The following MME variants were observed in gnomAD, a reference collection of about 807,000 sequenced individuals.
MME encodes the protein membrane metalloendopeptidase.
In MME, 98 loss-of-function variants were observed where a neutral mutation model predicts 113.2. The ratio of observed to expected loss-of-function variants is 0.87; its 90% CI spans 0.74 to 1.02. The LOEUF (loss-of-function observed/expected upper bound fraction) is 1.02, where lower values mean the gene tolerates loss of function less well. Among genes scored for constraint, MME ranks in the 50% least tolerant of loss-of-function variants. The pLI is 0.00. For missense variants in MME, 836 were observed against 896.0 expected (o/e 0.93, Z 0.86); for synonymous variants, 292 against 300.6 (o/e 0.97, Z 0.30).
At position 155,071,680 on chromosome 3, in the gene MME, C is replaced by T. The variant is rs909999893; in HGVS notation, c.-10-12478C>T. On this transcript the variant is annotated intron_variant, in intron 1 of 22. Transcript: ENST00000492661. ...TCCTATCCACAACTCACCACCACCA[C>T]CACTATCAAATGTTCCCTATCTCAA... Among the ~76,000 whole-genome samples, 8 of 152,278 alleles carry T rather than the reference C, an allele frequency of 5.3e-5. No homozygotes were observed. The East Asian group carries it at 9.7e-4, about 18-fold the overall frequency.
intron 8 of MME, among the ~76,000 whole-genome samples, chr3:155,133,709 TATATATATGGTGTGTATATATAC>T (rs1720380954): frequency 7.1e-6 from 1 of 141,370 alleles, no homozygotes; most frequent in Non-Finnish European, 1.5e-5. Flanking sequence ...ATAGTGTGTG[TATATATATGGTGTGTATATATAC>T]ATATATATGG....
At chr3:155,045,154 A>AC (rs1391535893) in intron 1 of MME, among the ~76,000 whole-genome samples, 1 of 146,392 alleles carries the variant, frequency 6.8e-6, no homozygotes, top group Non-Finnish European at 1.5e-5. Context: ...TTATAAAAAG[A>AC]CTTTTTTTTT....
At position 155,180,550 on chromosome 3, in the gene MME, G is replaced by A. The variant is rs1712994165; in HGVS notation, c.*91G>A. On this transcript the variant is annotated 3_prime_UTR_variant, in exon 23 of 23. Coordinates refer to ENST00000360490, the MANE Select transcript of MME (RefSeq NM_007289.4). Reference sequence around the variant, plus strand: ...AATCGAAAGAAAATGGGCCCTAGGGGTCACTGTACTGACTTGAGGGTGATT... The same window carrying A: ...AATCGAAAGAAAATGGGCCCTAGGGATCACTGTACTGACTTGAGGGTGATT... The A allele has an allele frequency of 1.1e-6, 1 of 910,636 alleles. No individual in the cohort carries two copies. Among genetic ancestry groups the A allele is most frequent in the Non-Finnish European group, 1.8e-6 (1 of 542,032 alleles). 56.4% of individuals were successfully genotyped at this position (910,636 alleles called of 1,614,324 possible). A position where few individuals can be genotyped will look rare whatever the true frequency, so the allele number is the denominator to read the frequency against.
intron 14 of MME, among the ~76,000 whole-genome samples, chr3:155,146,320 G>C (rs1184215474): frequency 6.6e-6 from 1 of 152,086 alleles, no homozygotes; most frequent in Admixed American, 6.5e-5. Context: ...GAGCCCAGGA[G>C]TTTGAGACTA....
upstream of MME, among the ~76,000 whole-genome samples, chr3:155,075,385 G>A (rs1714713176): frequency 6.6e-6 from 1 of 151,936 alleles, no homozygotes; most frequent in Admixed American, 6.6e-5. Context: ...GCCAATCTGT[G>A]TCTTCTAACT....
At chr3:155,153,885 G>A (rs1224323712) in intron 16 of MME, among the ~76,000 whole-genome samples, 5 of 152,100 alleles carry the variant, frequency 3.3e-5, no homozygotes, top group South Asian at 2.1e-4. Context: ...CCCTTTACTC[G>A]GGAGTCTATG....
intron 3 of MME, among the ~76,000 whole-genome samples, chr3:155,094,850 A>C (rs1192409174): frequency 6.6e-6 from 1 of 152,152 alleles, no homozygotes; most frequent in Non-Finnish European, 1.5e-5. Flanking sequence ...TAATCCCTTG[A>C]AGTAAGTAAG....
chr3:155,132,824 G>A (rs1720241719), intron 8 of MME, among the ~76,000 whole-genome samples: 1 of 151,514 alleles, frequency 6.6e-6, no homozygotes, highest in South Asian at 2.1e-4. Context: ...GGACTCAGAG[G>A]TGGTGGATCA....
intron 1 of MME, among the ~76,000 whole-genome samples, chr3:155,067,328 G>GTTTT (rs1249867603): frequency 8.7e-6 from 1 of 115,506 alleles, no homozygotes; most frequent in Non-Finnish European, 1.7e-5. Flanking sequence ...TTTTTTTTTG[G>GTTTT]GAGACTGAGT....
chr3:155,075,663 T>C (rs1027782101), upstream of MME, among the ~76,000 whole-genome samples: 3 of 152,202 alleles, frequency 2.0e-5, no homozygotes, highest in African/African-American at 7.2e-5. Context: ...AATATCATTA[T>C]CCTTCTTTCC....
chr3:155,145,903 G>A (rs1721468996), intron 14 of MME, among the ~76,000 whole-genome samples: 1 of 152,082 alleles, frequency 6.6e-6, no homozygotes, highest in African/African-American at 2.4e-5. Context: ...AATGGGTTTG[G>A]CCTCAGTGAC....
chr3:155,127,383 C>G (rs1427144524), intron 8 of MME, among the ~76,000 whole-genome samples: 1 of 152,138 alleles, frequency 6.6e-6, no homozygotes, highest in Non-Finnish European at 1.5e-5. Flanking sequence ...ATTCACATGT[C>G]AGGCCACAGG....
At chr3:155,160,089 C>G (rs1722605565) in intron 16 of MME, among the ~76,000 whole-genome samples, 1 of 152,052 alleles carries the variant, frequency 6.6e-6, no homozygotes, top group African/African-American at 2.4e-5. Flanking sequence ...TCAATACAAT[C>G]TTAACCCATT....
At chr3:155,173,110 TAC>T (rs1472055441) in intron 22 of MME, among the ~76,000 whole-genome samples, 1 of 152,118 alleles carries the variant, frequency 6.6e-6, no homozygotes, top group Non-Finnish European at 1.5e-5. Context: ...AAAAATGCTC[TAC>T]AGAGTAGAAA....
intron 3 of MME, among the ~76,000 whole-genome samples, chr3:155,091,053 G>A (rs1354681841): frequency 1.3e-5 from 2 of 152,166 alleles, no homozygotes; most frequent in East Asian, 1.9e-4. Flanking sequence ...GCCTTTTAGT[G>A]TAGGAAATGA....
intron 1 of MME, among the ~76,000 whole-genome samples, chr3:155,031,944 C>T (rs1444216895): frequency 6.6e-6 from 1 of 152,234 alleles, no homozygotes; most frequent in Non-Finnish European, 1.5e-5. Context: ...CAGGCATGAG[C>T]CATCGCACCC....
chr3:155,048,231 C>T (rs1225180325), intron 1 of MME, among the ~76,000 whole-genome samples: 1 of 152,172 alleles, frequency 6.6e-6, no homozygotes, highest in Non-Finnish European at 1.5e-5. Context: ...TTCCCCCTAA[C>T]TCACTTCAGC....
At chr3:155,067,181 TGGG>T (rs1714406504) in intron 1 of MME, among the ~76,000 whole-genome samples, 1 of 148,600 alleles carries the variant, frequency 6.7e-6, no homozygotes, top group Admixed American at 6.7e-5. Flanking sequence ...AACAATTATT[TGGG>T]AGAAAACACA....
At chr3:155,137,790 T>C (rs929953778) in intron 8 of MME, among the ~76,000 whole-genome samples, 4 of 152,182 alleles carry the variant, frequency 2.6e-5, no homozygotes, top group African/African-American at 9.7e-5. Flanking sequence ...TCAAGTGTTT[T>C]GCAACTCATT....
Sources: gnomAD v4.1 joint callset for allele counts (sites outside exome capture counted in the v4.1 genomes callset) on GRCh38, gnomAD v4.1.1 for gene constraint, MANE v1.5 for transcripts, NCBI Gene and HGNC (gene_info 2026-07-23, HGNC 2026-07-21) for gene names.